The following DNAH9 variants were observed in gnomAD, a reference collection of about 807,000 sequenced individuals.
DNAH9 encodes the protein dynein axonemal heavy chain 9.
DNAH9 carries 345 observed loss-of-function variants against 471.6 expected under a neutral mutation model. That is an observed-to-expected ratio of 0.73 (90% CI 0.67 to 0.80). The LOEUF (loss-of-function observed/expected upper bound fraction) is 0.80, where lower values mean the gene tolerates loss of function less well. DNAH9 is among the 30% of genes least tolerant of loss of function. The pLI is 0.00. For synonymous variants in DNAH9, 2,093 were observed against 2,123.6 expected (o/e 0.99, Z 0.40); for missense variants, 5,407 against 5,609.2 (o/e 0.96, Z 1.15).
chr17:11,698,828 A>G (rs55868131), intron 22 of DNAH9, among the ~76,000 whole-genome samples: 1,732 of 147,002 alleles, frequency 0.012, 33 homozygotes, highest in African/African-American at 0.041. Flanking sequence ...ACTGTAGAGG[A>G]CCTCTACTCC....
At chr17:11,790,229 T>G (rs1331744778) in intron 41 of DNAH9, among the ~76,000 whole-genome samples, 1 of 152,084 alleles carries the variant, frequency 6.6e-6, no homozygotes, top group Non-Finnish European at 1.5e-5. Context: ...TTTCTAGATT[T>G]ATTTGTCTGC....
intron 19 of DNAH9, among the ~76,000 whole-genome samples, chr17:11,688,430 G>T (rs575968104): frequency 7.1e-4 from 108 of 152,306 alleles, no homozygotes; most frequent in Admixed American, 1.2e-3. Flanking sequence ...AAGATGAGGA[G>T]CCAGATTCAA....
Position 11,784,500 on chromosome 17 carries a change from C to T in DNAH9, c.8022C>T (p.His2674=). The change falls in exon 41 of 69, where the codon CAC becomes CAT. Residue 2674 remains histidine, a synonymous_variant. Coordinates refer to ENST00000262442, the MANE Select transcript of DNAH9 (RefSeq NM_001372.4). ...TTFLPTGIKF[H]YIFNLRDFAN... ...TCCTACCCACAGGAATCAAATTCCA[C>T]TACATCTTCAACCTCAGAGATTTTG... is the stretch of plus-strand genomic sequence containing the variant. 1 of 1,614,232 alleles carries T rather than the reference C, an allele frequency of 6.2e-7. No individual in the cohort carries two copies.
intron 67 of DNAH9, among the ~76,000 whole-genome samples, chr17:11,960,435 T>TAAAAAAAAAAAAAAAAA (rs3074845): frequency 1.9e-4 from 10 of 54,040 alleles, no homozygotes; most frequent in Non-Finnish European, 2.6e-4. Flanking sequence ...GACTCTGTCT[T>TAAAAAAAAAAAAAAAAA]AAAAAAAAAA....
chr17:11,676,354 C>T (rs1161522695), intron 17 of DNAH9, among the ~76,000 whole-genome samples: 2 of 142,390 alleles, frequency 1.4e-5, no homozygotes, highest in African/African-American at 5.1e-5. Context: ...ACGATCTCGG[C>T]TCACTGCAAC....
chr17:11,636,958 G>A (rs541885531), intron 9 of DNAH9, among the ~76,000 whole-genome samples, 174 bp downstream of exon 9: 1 of 152,308 alleles, frequency 6.6e-6, no homozygotes, highest in South Asian at 2.1e-4. Context: ...GGAGCTCTCT[G>A]AACTACGGCT....
chr17:11,660,447 C>T (rs1463056939), intron 14 of DNAH9, among the ~76,000 whole-genome samples: 1 of 151,284 alleles, frequency 6.6e-6, no homozygotes, highest in Non-Finnish European at 1.5e-5. Context: ...TTCAGCCTCC[C>T]AAATGGCTGG....
chr17:11,610,465 C>T lies in DNAH9; in HGVS notation c.684C>T (p.Val228=), dbSNP rs1159909522. The T allele has an allele frequency of 4.3e-6, 7 of 1,613,590 alleles. No individual in the cohort carries two copies. The East Asian group carries it at 1.6e-4, about 36-fold the overall frequency. The change falls in exon 3 of 69, where the codon GTC becomes GTT. Residue 228 remains valine, a synonymous_variant. Coordinates refer to ENST00000262442, the MANE Select transcript of DNAH9 (RefSeq NM_001372.4). ...ESAVIKWSYQ[V]QVVLKRESSQ... ...CAGTGATCAAATGGAGCTACCAAGT[C>T]CAGGTGGTACTCAAGAGAGAGTCTT...
intron 14 of DNAH9, among the ~76,000 whole-genome samples, chr17:11,655,104 A>G (rs1033378742): frequency 6.6e-6 from 1 of 152,090 alleles, no homozygotes; most frequent in African/African-American, 2.4e-5. Context: ...AGCAGTGTAC[A>G]CTGTACCCAG....
At chr17:11,619,460 C>A in intron 5 of DNAH9, 88 bp from the exon 6 acceptor site, 2 of 762,278 alleles carry the variant, frequency 2.6e-6, no homozygotes, top group Non-Finnish European at 4.7e-6. Flanking sequence ...AAAAATATTA[C>A]TGGGGCAATG....
In DNAH9 at chr17:11,766,305, T is replaced by TAA. The variant is rs35486873; in HGVS notation, c.7171-2135_7171-2134dup. ...CTATACCTGAGTAGAAGTTCCCATT[T>TAA]AAAAAAAAAAAAAAGTCCTGGCTGA... On this transcript the variant is annotated intron_variant, in intron 36 of 68. Coordinates refer to ENST00000262442, the MANE Select transcript of DNAH9 (RefSeq NM_001372.4). Among the ~76,000 whole-genome samples the TAA allele has an allele frequency of 4.8e-3, 688 of 143,724 alleles. 3 individuals carry two copies. The highest frequency in any genetic ancestry group is 0.015 in the African/African-American group (592 of 39,258). 94.3% of individuals were successfully genotyped at this position (143,724 alleles called of 152,430 possible).
chr17:11,901,956 G>A (rs1432492293), intron 59 of DNAH9, among the ~76,000 whole-genome samples: 1 of 152,196 alleles, frequency 6.6e-6, no homozygotes, highest in Admixed American at 6.5e-5. Flanking sequence ...TTTTGAACTG[G>A]TCTTTCACAA....
At position 11,640,385 on chromosome 17, in the gene DNAH9, G is replaced by A. The variant is rs953946888; in HGVS notation, c.1901+1G>A. The A allele has an allele frequency of 2.7e-5, 43 of 1,582,424 alleles. No homozygotes were observed. Among genetic ancestry groups the A allele is most frequent in the Non-Finnish European group, 3.6e-5 (42 of 1,151,222 alleles). On this transcript the variant is annotated splice_donor_variant, in intron 10 of 68. Coordinates refer to ENST00000262442, the MANE Select transcript of DNAH9 (RefSeq NM_001372.4). LOFTEE classifies it high-confidence loss of function. ...GCAACTTTGGACGCATCACACACCC[G>A]TGAGTATTGTGTTCCTGAAAGACAG...
At position 11,636,681 on chromosome 17, in the gene DNAH9, G is replaced by A. The variant is rs201461518; in HGVS notation, c.1683G>A (p.Arg561=). The change falls in exon 9 of 69, where the codon AGG becomes AGA. Residue 561 remains arginine (R), a synonymous_variant. Coordinates refer to ENST00000262442, the MANE Select transcript of DNAH9 (RefSeq NM_001372.4). ...GNLLERPLVA[R]DTSDKYLVLI... ...TCCTTGAAAGACCGCTGGTAGCGAG[G>A]GATACATCTGATAAATACCTGGTCC... 2 of 1,613,606 alleles carry A rather than the reference G, an allele frequency of 1.2e-6. No individual in the cohort carries two copies. Among genetic ancestry groups the A allele is most frequent in the East Asian group, 2.2e-5 (1 of 44,866 alleles).
intron 51 of DNAH9, 140 bp downstream of exon 51, chr17:11,869,393 T>C: frequency 1.6e-6 from 2 of 1,268,654 alleles, no homozygotes; most frequent in East Asian, 4.9e-5. Flanking sequence ...AATGCAGGAA[T>C]TGAGTCCTGA....
In DNAH9 at chr17:11,797,547, A is replaced by T. The variant is rs373600429; in HGVS notation, c.8224-50A>T. ...TCAGGTGTCTCTGCTCTGTGGAACC[A>T]GCCCCAGAAGTCAATAATGAGGGCC... On this transcript the variant is annotated intron_variant, in intron 42 of 68. Coordinates refer to ENST00000262442, the MANE Select transcript of DNAH9 (RefSeq NM_001372.4). 257 of 1,488,108 alleles carry T rather than the reference A, an allele frequency of 1.7e-4. No individual in the cohort carries two copies. The African/African-American group carries it at 3.3e-3, about 19-fold the overall frequency. 92.2% of individuals were successfully genotyped at this position (1,488,108 alleles called of 1,614,324 possible). A position where few individuals can be genotyped will look rare whatever the true frequency, so the allele number is the denominator to read the frequency against.
chr17:11,913,788 A>G (rs1973861128), intron 61 of DNAH9, among the ~76,000 whole-genome samples: 1 of 152,020 alleles, frequency 6.6e-6, no homozygotes, highest in African/African-American at 2.4e-5. Flanking sequence ...TCTCAAAAAA[A>G]AAAAAAGAAA....
chr17:11,930,765 C>CAA (rs11371438), intron 63 of DNAH9, among the ~76,000 whole-genome samples: 1,604 of 125,058 alleles, frequency 0.013, 29 homozygotes, highest in South Asian at 0.038. Context: ...ACTCCATCTC[C>CAA]AAAAAAAAAA....
At chr17:11,911,258 C>T (rs1311513188) in intron 61 of DNAH9, among the ~76,000 whole-genome samples, 1 of 152,176 alleles carries the variant, frequency 6.6e-6, no homozygotes, top group Non-Finnish European at 1.5e-5. Context: ...ACGTAGATAT[C>T]CAATTGTCCC....
Sources: gnomAD v4.1 joint callset for allele counts (sites outside exome capture counted in the v4.1 genomes callset) on GRCh38, gnomAD v4.1.1 for gene constraint, MANE v1.5 for transcripts, NCBI Gene and HGNC (gene_info 2026-07-23, HGNC 2026-07-21) for gene names.